Variants in CCT7 observed in about 807,000 individuals in gnomAD.
The protein encoded by CCT7 is T-complex protein 1 subunit eta.
CCT7 carries 16 observed loss-of-function variants against 56.6 expected under a neutral mutation model. The ratio of observed to expected loss-of-function variants is 0.28; its 90% CI spans 0.19 to 0.43. CCT7 has a LOEUF of 0.43. CCT7 is among the 20% of genes least tolerant of loss of function. The pLI, the probability that CCT7 is intolerant of heterozygous loss-of-function variation, is 1.00. For synonymous variants in CCT7, 262 were observed against 254.8 expected (o/e 1.03, Z -0.27); for missense variants, 519 against 685.6 (o/e 0.76, Z 2.71).
At chr2:73,240,936 A>G (rs983751742) in intron 3 of CCT7, among the ~76,000 whole-genome samples, 18 of 136,788 alleles carry the variant, frequency 1.3e-4, no homozygotes, top group African/African-American at 4.4e-4. Flanking sequence ...GGGTCTTACT[A>G]TGTTTCCCAG....
rs573031740 is a variant in CCT7 at position 73,245,927 on chromosome 2, CT to C, written c.618+1214del. Among the ~76,000 whole-genome samples, 149 of 152,220 alleles carry C rather than the reference CT, an allele frequency of 9.8e-4. 2 individuals are homozygous for C. The Middle Eastern group carries it at 0.01, about 10-fold the overall frequency. ...CACTGCTTTAGTAGCGATTTTTCAT[CT>C]TCTCTTGGGCCTTCCTACTTCCATA... On this transcript the variant is annotated intron_variant, in intron 6 of 11. Coordinates refer to ENST00000258091, the MANE Select transcript of CCT7 (RefSeq NM_006429.4).
At chr2:73,251,457 TC>T in intron 11 of CCT7, 25 bp downstream of exon 11, 3 of 868,296 alleles carry the variant, frequency 3.5e-6, no homozygotes, top group Non-Finnish European at 5.5e-6. Flanking sequence ...TCCCCAGGGT[TC>T]AGGGTTTGGG....
chr2:73,252,577 A>C (rs1380490003), intron 11 of CCT7, 63 bp from the exon 12 acceptor site: 1 of 1,303,468 alleles, frequency 7.7e-7, no homozygotes, highest in East Asian at 2.3e-5. Flanking sequence ...TTGGAGTACC[A>C]GTTTACAAGA....
chr2:73,245,074 C>T (rs1217974989), intron 6 of CCT7, among the ~76,000 whole-genome samples: 1 of 152,172 alleles, frequency 6.6e-6, no homozygotes, highest in Non-Finnish European at 1.5e-5. Context: ...CTAAGTGATA[C>T]TGTTAAGCTT....
In CCT7 at chr2:73,235,513, C is replaced by T. The variant is rs1686840437; in HGVS notation, c.6+1129C>T. 12 of 998,654 alleles carry T rather than the reference C, an allele frequency of 1.2e-5. No homozygotes were observed. In the South Asian group the frequency reaches 5.2e-4, roughly 43 times the overall value. The allele number at this position is 998,654 out of a possible 1,614,324, so 61.9% of individuals were successfully genotyped here. Reference sequence around the variant, plus strand: ...TGTACCCAAGGTAGAAGGAAATTAGCATTTAACAGTACTTCCTCTCCCCTT... The same window carrying T: ...TGTACCCAAGGTAGAAGGAAATTAGTATTTAACAGTACTTCCTCTCCCCTT... On this transcript the variant is annotated intron_variant, in intron 1 of 11. Coordinates refer to ENST00000258091, the MANE Select transcript of CCT7 (RefSeq NM_006429.4).
Position 73,238,883 on chromosome 2 carries a change from C to T in CCT7, c.7-760C>T, listed in dbSNP as rs1686987816. Among the ~76,000 whole-genome samples the T allele has an allele frequency of 2.6e-5, 4 of 152,158 alleles. No homozygotes were observed. The South Asian group carries it at 6.2e-4, about 24-fold the overall frequency. On this transcript the variant is annotated intron_variant, in intron 1 of 11. Coordinates refer to ENST00000258091, the MANE Select transcript of CCT7 (RefSeq NM_006429.4). ...AGCAAGTATCCCTGTTTCTCAGTTT[C>T]TAAAGCAGGTCTGCAAATGAAGCCC...
chr2:73,251,136 T>C, intron 10 of CCT7, 90 bp from the exon 11 acceptor site: 1 of 1,207,406 alleles, frequency 8.3e-7, no homozygotes, highest in Non-Finnish European at 1.2e-6. Flanking sequence ...AGAACCACTC[T>C]TTCTGGGCTG....
chr2:73,239,384 A>AT (rs1054759412), intron 1 of CCT7: 1 of 394,914 alleles, frequency 2.5e-6, no homozygotes, highest in Non-Finnish European at 4.6e-6. Flanking sequence ...AGAACTCATG[A>AT]TTTTTTCTTT....
intron 4 of CCT7, 55 bp from the exon 5 acceptor site, chr2:73,243,942 A>G (rs1687219846): frequency 1.3e-6 from 2 of 1,531,246 alleles, no homozygotes; most frequent in Non-Finnish European, 1.8e-6. Context: ...ATTGAGGTCC[A>G]CTTCAGCAGT....
At chr2:73,246,153 G>T (rs1687325286) in intron 6 of CCT7, among the ~76,000 whole-genome samples, 1 of 152,216 alleles carries the variant, frequency 6.6e-6, no homozygotes, top group Admixed American at 6.5e-5. Flanking sequence ...AATAGTGGTA[G>T]TGATTATTTA....
chr2:73,234,329 C>T lies in CCT7; in HGVS notation c.-50C>T, dbSNP rs375318178. ...AGGCATTGTGGGTTGCTGGGCGGCC[C>T]GGTCTCGGAGAAGAGGGGAGAGTGG... On this transcript the variant is annotated 5_prime_UTR_variant, in exon 1 of 12. Transcript: ENST00000258091. The T allele has an allele frequency of 5.6e-6, 9 of 1,612,854 alleles. No individual in the cohort carries two copies. The highest frequency in any genetic ancestry group is 1.3e-5 in the African/African-American group (1 of 75,062).
At chr2:73,243,156 T>C in intron 4 of CCT7, 27 bp downstream of exon 4, 1 of 1,609,362 alleles carries the variant, frequency 6.2e-7, no homozygotes, top group Non-Finnish European at 8.5e-7. Flanking sequence ...TAACCTTCTC[T>C]TGGGCCTGGA....
intron 1 of CCT7, among the ~76,000 whole-genome samples, chr2:73,238,438 T>C (rs1003178545): frequency 6.6e-6 from 1 of 150,388 alleles, no homozygotes; most frequent in Non-Finnish European, 1.5e-5. Context: ...ATCAGCCTCA[T>C]GAGTGGCAAG....
chr2:73,240,180 T>C (rs1028445949), intron 2 of CCT7: 83 of 344,458 alleles, frequency 2.4e-4, no homozygotes, highest in Middle Eastern at 7.6e-4. Context: ...ATTTAAAAAA[T>C]CTTTTCTGTA....
intron 6 of CCT7, among the ~76,000 whole-genome samples, chr2:73,247,220 A>G (rs1687376936): frequency 6.6e-6 from 1 of 152,152 alleles, no homozygotes. Context: ...ACCTTTTGGC[A>G]TCATCTTCTG....
chr2:73,245,652 T>C (rs575164159), intron 6 of CCT7, among the ~76,000 whole-genome samples: 7 of 152,308 alleles, frequency 4.6e-5, no homozygotes, highest in Non-Finnish European at 8.8e-5. Flanking sequence ...GCTTTACTTA[T>C]TACTCTTCGT....
At chr2:73,244,853 TC>T in intron 6 of CCT7, 138 bp downstream of exon 6, 1 of 579,724 alleles carries the variant, frequency 1.7e-6, no homozygotes, top group Admixed American at 3.3e-5. Flanking sequence ...CATTGTACTT[TC>T]CATACTGCCA....
chr2:73,244,379 G>A (rs990689890), intron 5 of CCT7, 165 bp from the exon 6 acceptor site: 9 of 623,530 alleles, frequency 1.4e-5, no homozygotes, highest in Non-Finnish European at 2.5e-5. Flanking sequence ...ATCTTTGACT[G>A]CAGTCACCAT....
chr2:73,234,405 C>T (rs1686765133), intron 1 of CCT7, 21 bp downstream of exon 1: 1 of 1,612,866 alleles, frequency 6.2e-7, no homozygotes, highest in South Asian at 1.1e-5. Context: ...TCTCGCGCAT[C>T]CGTCGCCATC....
Sources: allele counts gnomAD v4.1 joint callset (sites outside exome capture counted in the v4.1 genomes callset), GRCh38; gene constraint gnomAD v4.1.1; transcripts MANE v1.5; gene names NCBI Gene and HGNC (gene_info 2026-07-23, HGNC 2026-07-21).